The following BMPR2 variants were observed in gnomAD, a reference collection of about 807,000 sequenced individuals.
The protein encoded by BMPR2 is bone morphogenetic protein receptor type-2.
In BMPR2, 29 loss-of-function variants were observed where a neutral mutation model predicts 100.8. The observed-to-expected ratio is 0.29, with a 90% CI of 0.21 to 0.39. The LOEUF is 0.39. BMPR2 is among the 10% of genes least tolerant of loss of function. The pLI, the probability that BMPR2 is intolerant of heterozygous loss-of-function variation, is 1.00. For missense variants in BMPR2, 1,011 were observed against 1,274.5 expected, an observed-to-expected ratio of 0.79 and a Z score of 3.15; for synonymous variants, 382 against 442.3, an observed-to-expected ratio of 0.86 and a Z score of 1.71.
chr2:202,382,764 C>A (rs931178283), intron 1 of BMPR2, among the ~76,000 whole-genome samples: 2 of 152,108 alleles, frequency 1.3e-5, no homozygotes, highest in Non-Finnish European at 2.9e-5. Flanking sequence ...TTAATGAGAC[C>A]TAGATTCTAT....
rs781018234 is a variant in BMPR2, at chr2:202,530,913, C to T, written c.1087C>T (p.Leu363=). The T allele has an allele frequency of 6.2e-7, 1 of 1,614,112 alleles. No homozygotes were observed. The highest frequency in any genetic ancestry group is 8.5e-7 in the Non-Finnish European group (1 of 1,180,024). Residue 363 remains leucine, a synonymous_variant, in exon 8 of 13, where the codon CTG becomes TTG. Transcript: ENST00000374580. ...GTCCATGAGGCTGACTGGAAATAGACTGGTGCGCCCAGGGGAGGAAGATAA... is the reference window on the plus strand; with the variant it reads ...GTCCATGAGGCTGACTGGAAATAGATTGGTGCGCCCAGGGGAGGAAGATAA... ...GLSMRLTGNR[L]VRPGEEDNAA...
At chr2:202,462,480 A>G (rs1480714374) in intron 1 of BMPR2, among the ~76,000 whole-genome samples, 1 of 152,026 alleles carries the variant, frequency 6.6e-6, no homozygotes, top group Non-Finnish European at 1.5e-5. Context: ...CTGCCTCCCA[A>G]AGTGCTGGGA....
chr2:202,559,783 G>A lies in BMPR2; in HGVS notation c.2954G>A (p.Arg985His), dbSNP rs1359508521. Residue 985 changes from arginine (R) to histidine (H), a missense_variant, in exon 13 of 13, where the codon CGC becomes CAC. Physicochemically the swap from Arg to His is conservative, Grantham distance 29. Coordinates refer to ENST00000374580, the MANE Select transcript of BMPR2 (RefSeq NM_001204.7). ...ACTCCCTATTCTCTTAAGCGGTGGCGCCCCTCCACCTGGGTCATCTCCACT... is the reference window on the plus strand; with the variant it reads ...ACTCCCTATTCTCTTAAGCGGTGGCACCCCTCCACCTGGGTCATCTCCACT... ...VKTPYSLKRW[R>H]PSTWVISTES... 17 of 1,613,860 alleles carry A rather than the reference G, an allele frequency of 1.1e-5. No homozygotes were observed. The highest frequency in any genetic ancestry group is 1.4e-5 in the Non-Finnish European group (17 of 1,180,016).
rs774390535 is a variant in BMPR2, at chr2:202,467,573, T to C, written c.302T>C (p.Val101Ala). The change falls in exon 3 of 13, where the codon GTA becomes GCA. Residue 101 changes from valine to alanine, a missense_variant. Physicochemically the swap from Val to Ala is moderately conservative, Grantham distance 64. This residue lies in a region of BMPR2 where 355 missense variants were observed against 455.3 expected (regional missense o/e 0.78). Coordinates refer to ENST00000374580, the MANE Select transcript of BMPR2 (RefSeq NM_001204.7). ...GAGTGTCACTATGAAGAATGTGTAG[T>C]AACTACCACTCCTCCCTCAATTCAG... ...PQECHYEECVVTTTPPSIQNG... is the reference protein window; with the variant it reads ...PQECHYEECVATTTPPSIQNG... 1.3e-6 allele frequency: 2 copies of C among 1,576,672 alleles called. No homozygotes were observed. Among genetic ancestry groups the C allele is most frequent in the Non-Finnish European group, 8.7e-7 (1 of 1,146,048 alleles).
chr2:202,488,032 A>G (rs1692816061), intron 3 of BMPR2, among the ~76,000 whole-genome samples: 1 of 152,148 alleles, frequency 6.6e-6, no homozygotes, highest in Non-Finnish European at 1.5e-5. Context: ...TTTCCAGTAT[A>G]ATCTTGTCAT....
intron 3 of BMPR2, among the ~76,000 whole-genome samples, chr2:202,512,018 T>C (rs1337673822): frequency 2.2e-5 from 3 of 137,532 alleles, no homozygotes; most frequent in African/African-American, 8.0e-5. Flanking sequence ...AAGACTCTCT[T>C]AAAAAAAAAA....
intron 1 of BMPR2, among the ~76,000 whole-genome samples, chr2:202,427,743 C>T (rs1042388714): frequency 2.0e-5 from 3 of 151,952 alleles, no homozygotes; most frequent in Non-Finnish European, 4.4e-5. Context: ...TTTGGGAGGC[C>T]GAGGTGGGTG....
intron 5 of BMPR2, 67 bp downstream of exon 5, chr2:202,515,046 A>G: frequency 7.2e-7 from 1 of 1,397,076 alleles, no homozygotes; most frequent in Non-Finnish European, 1.0e-6. Flanking sequence ...CAGTGACTTC[A>G]TTCAATCATT....
intron 1 of BMPR2, among the ~76,000 whole-genome samples, chr2:202,418,768 G>A (rs1348675652): frequency 6.6e-6 from 1 of 152,164 alleles, no homozygotes; most frequent in Non-Finnish European, 1.5e-5. Flanking sequence ...CTTGTAGCAG[G>A]CTTCACAGAG....
chr2:202,557,236 G>A (rs1415163924), intron 12 of BMPR2, among the ~76,000 whole-genome samples: 3 of 152,066 alleles, frequency 2.0e-5, no homozygotes, highest in African/African-American at 7.2e-5. Flanking sequence ...GGCTGAGGCA[G>A]GTGGATCACG....
intron 1 of BMPR2, among the ~76,000 whole-genome samples, chr2:202,402,648 TTGTGTG>T (rs113771026): frequency 1.5e-4 from 22 of 146,430 alleles, no homozygotes; most frequent in African/African-American, 5.5e-4. Context: ...AAAACTTGCA[TTGTGTG>T]TGTGTGTGTG....
intron 3 of BMPR2, among the ~76,000 whole-genome samples, chr2:202,506,855 G>A (rs1252447073): frequency 3.9e-5 from 6 of 151,944 alleles, no homozygotes; most frequent in South Asian, 4.2e-4. Flanking sequence ...AGCTGAGATC[G>A]CGCCACTGCT....
At chr2:202,554,111 A>G (rs1376502507) in intron 11 of BMPR2, among the ~76,000 whole-genome samples, 1 of 152,240 alleles carries the variant, frequency 6.6e-6, no homozygotes, top group Non-Finnish European at 1.5e-5. Context: ...TACCTTGTAT[A>G]TCAGCAAATC....
At position 202,555,536 on chromosome 2, in the gene BMPR2, C is replaced by T. The variant is rs1380820302; in HGVS notation, c.1871C>T (p.Thr624Ile). Residue 624 changes from threonine to isoleucine, a missense_variant, in exon 12 of 13, where the codon ACT becomes ATT. Thr to Ile is a moderately conservative substitution (Grantham distance 89). Around this residue, in one of 6 missense-constraint regions of BMPR2, gnomAD observed 508 missense variants for 552.0 expected, o/e 0.92. Coordinates refer to ENST00000374580, the MANE Select transcript of BMPR2 (RefSeq NM_001204.7). ...TTNTTGLTPS[T>I]GMTTISEMPY... The stretch of plus-strand genomic sequence containing the variant: ...AACACCACAGGACTCACGCCAAGTA[C>T]TGGCATGACTACTATATCTGAGATG... 2.5e-6 allele frequency: 4 copies of T among 1,614,200 alleles called. No homozygotes were observed. The African/African-American group carries it at 5.3e-5, about 22-fold the overall frequency.
chr2:202,517,471 A>C (rs900795048), intron 5 of BMPR2, among the ~76,000 whole-genome samples: 1 of 151,418 alleles, frequency 6.6e-6, no homozygotes, highest in African/African-American at 2.4e-5. Context: ...GCAAGTATTT[A>C]AGTCTCCACA....
chr2:202,515,205 T>C (rs1052569033), intron 5 of BMPR2, among the ~76,000 whole-genome samples: 4 of 152,130 alleles, frequency 2.6e-5, no homozygotes, highest in Non-Finnish European at 4.4e-5. Context: ...GAATGTATAA[T>C]ATAATTGCAA....
chr2:202,416,590 T>C (rs879728581), intron 1 of BMPR2, among the ~76,000 whole-genome samples: 1 of 151,648 alleles, frequency 6.6e-6, no homozygotes, highest in Non-Finnish European at 1.5e-5. Context: ...CACGCCCAGC[T>C]AATTTTTGTA....
intron 1 of BMPR2, among the ~76,000 whole-genome samples, chr2:202,446,355 G>C (rs575397019): frequency 6.7e-6 from 1 of 149,948 alleles, no homozygotes; most frequent in Non-Finnish European, 1.5e-5. Context: ...CCAAGATTGC[G>C]CCATTGCACT....
At chr2:202,508,353 A>T (rs1361276249) in intron 3 of BMPR2, among the ~76,000 whole-genome samples, 1 of 152,172 alleles carries the variant, frequency 6.6e-6, no homozygotes, top group Non-Finnish European at 1.5e-5. Flanking sequence ...GGTCTCCCAA[A>T]GTGCTGGGAT....
Sources: gnomAD v4.1 joint callset for allele counts (sites outside exome capture counted in the v4.1 genomes callset) on GRCh38, gnomAD v4.1.1 for gene constraint, gnomAD v4.1.1 regional missense constraint, MANE v1.5 for transcripts, NCBI Gene and HGNC (gene_info 2026-07-23, HGNC 2026-07-21) for gene names.